Variants in WDPCP observed in about 807,000 individuals in gnomAD.
WDPCP encodes the protein WD repeat containing planar cell polarity effector, also known as WD repeat-containing and planar cell polarity effector protein fritz homolog.
Under a neutral mutation model 93.1 loss-of-function variants are expected in WDPCP, and 71 were observed. The observed-to-expected ratio is 0.76, with a 90% confidence interval of 0.63 to 0.93. The LOEUF (loss-of-function observed/expected upper bound fraction) is 0.93, where lower values mean the gene tolerates loss of function less well. WDPCP is among the 40% of genes least tolerant of loss of function. The pLI is 0.00. For synonymous variants in WDPCP, 315 were observed against 315.0 expected (o/e 1.00, Z 0.00); for missense variants, 844 against 887.4 (o/e 0.95, Z 0.62).
At chr2:63,802,281 TAAAAAAAAAAAAAAAAAAAAAAAAA>T (rs58717654) in intron 2 of WDPCP, among the ~76,000 whole-genome samples, 19 of 54,404 alleles carry the variant, frequency 3.5e-4, no homozygotes, top group East Asian at 6.1e-4. Context: ...CCCTCTCTCT[TAAAAAAAAAAAAAAAAAAAAAAAAA>T]AAAAAAAAAA....
chr2:63,155,563 A>AG (rs1449978921), intron 15 of WDPCP, among the ~76,000 whole-genome samples: 3 of 152,180 alleles, frequency 2.0e-5, no homozygotes, highest in Non-Finnish European at 4.4e-5. Flanking sequence ...CACAGTCCCT[A>AG]GGCCAAATCC....
intron 2 of WDPCP, among the ~76,000 whole-genome samples, chr2:63,488,550 T>TAGGA (rs1227107646): frequency 6.6e-6 from 1 of 152,022 alleles, no homozygotes; most frequent in Non-Finnish European, 1.5e-5. Flanking sequence ...AAATCATGAG[T>TAGGA]AGGACTTCTT....
chr2:63,615,289 T>C (rs192529858), intron 3 of WDPCP, among the ~76,000 whole-genome samples: 1 of 152,240 alleles, frequency 6.6e-6, no homozygotes, highest in Non-Finnish European at 1.5e-5. Context: ...TCCTTTCCTT[T>C]TTACGACATA....
intron 1 of WDPCP, among the ~76,000 whole-genome samples, chr2:63,494,876 C>A (rs911647007): frequency 6.9e-6 from 1 of 144,944 alleles, no homozygotes; most frequent in Non-Finnish European, 1.5e-5. Flanking sequence ...GCCGAGATCG[C>A]GCCACTGCAC....
chr2:63,427,511 G>A (rs1021573432), intron 9 of WDPCP, among the ~76,000 whole-genome samples: 1 of 152,120 alleles, frequency 6.6e-6, no homozygotes, highest in Admixed American at 6.5e-5. Flanking sequence ...ATGAAATTAA[G>A]GCAGAAATTT....
chr2:63,142,817 GGT>G (rs143419326), intron 17 of WDPCP, among the ~76,000 whole-genome samples: 25,295 of 146,138 alleles, frequency 0.17, 2,246 homozygotes, highest in Middle Eastern at 0.25. Flanking sequence ...CAGTGTTAGG[GGT>G]GTGTGTGTGT....
At chr2:63,701,415 G>A (rs895298092) in intron 2 of WDPCP, among the ~76,000 whole-genome samples, 12 of 152,174 alleles carry the variant, frequency 7.9e-5, no homozygotes, top group Non-Finnish European at 2.9e-5. Context: ...ATGTAAATTA[G>A]TACAACCACT....
At chr2:63,167,853 G>T (rs1044423431) in intron 15 of WDPCP, among the ~76,000 whole-genome samples, 4 of 152,080 alleles carry the variant, frequency 2.6e-5, no homozygotes, top group African/African-American at 9.6e-5. Flanking sequence ...GGTGGCTCAC[G>T]CCTATAATCC....
intron 1 of WDPCP, among the ~76,000 whole-genome samples, chr2:63,562,171 C>T (rs1001163006): frequency 6.6e-6 from 1 of 152,080 alleles, no homozygotes; most frequent in Admixed American, 6.6e-5. Context: ...ACATGTATGC[C>T]AGGAATAGCA....
chr2:63,307,251 A>T (rs1685813629), intron 13 of WDPCP, among the ~76,000 whole-genome samples: 1 of 152,224 alleles, frequency 6.6e-6, no homozygotes, highest in African/African-American at 2.4e-5. Flanking sequence ...ACACAAACAA[A>T]TGGAAAATAT....
At chr2:63,515,611 G>A (rs1203187787) in intron 1 of WDPCP, among the ~76,000 whole-genome samples, 1 of 152,102 alleles carries the variant, frequency 6.6e-6, no homozygotes, top group Non-Finnish European at 1.5e-5. Flanking sequence ...TTGGAAAATC[G>A]CCAAAACTTT....
At position 63,722,193 on chromosome 2, in the gene WDPCP, A is replaced by G. The variant is rs1187149727; in HGVS notation, n.309-71355T>C. On this transcript the variant is annotated intron_variant and non_coding_transcript_variant, in intron 2 of 4. Coordinates refer to the WDPCP transcript ENST00000467687. ...GAGCGTCTCTGCCTGGCCGCCCATC[A>G]TCTGGGATGTGAGGAGCCCCTCTGC... is the stretch of plus-strand genomic sequence containing the variant. 8.5e-4 allele frequency among the ~76,000 whole-genome samples: 114 copies of G among 133,346 alleles called. No homozygotes were observed. The Middle Eastern group carries it at 0.015, about 17-fold the overall frequency. 87.5% of individuals were successfully genotyped at this position (133,346 alleles called of 152,430 possible).
intron 13 of WDPCP, among the ~76,000 whole-genome samples, chr2:63,267,801 C>T (rs116244631): frequency 0.018 from 2,775 of 152,048 alleles, 84 homozygotes; most frequent in African/African-American, 0.064. Flanking sequence ...AGAATAGCTA[C>T]TAATGTCAAA....
intron 6 of WDPCP, among the ~76,000 whole-genome samples, chr2:63,481,432 A>G (rs1254117133): frequency 1.3e-5 from 2 of 152,248 alleles, no homozygotes; most frequent in African/African-American, 4.8e-5. Context: ...CGAAAAAGAT[A>G]CTTGCCCATG....
At chr2:63,420,205 T>C (rs975388604) in intron 9 of WDPCP, among the ~76,000 whole-genome samples, 19 of 151,876 alleles carry the variant, frequency 1.3e-4, no homozygotes, top group Non-Finnish European at 2.4e-4. Context: ...TGAAATACTA[T>C]CCTTTTGCTT....
chr2:63,671,068 G>T (rs1421422339), intron 2 of WDPCP, among the ~76,000 whole-genome samples: 2 of 152,154 alleles, frequency 1.3e-5, no homozygotes, highest in African/African-American at 2.4e-5. Flanking sequence ...GCTCAGCTTT[G>T]AGATTTTTAG....
chr2:63,269,924 C>T (rs1172201969), intron 13 of WDPCP, among the ~76,000 whole-genome samples: 1 of 152,146 alleles, frequency 6.6e-6, no homozygotes, highest in Non-Finnish European at 1.5e-5. Context: ...ATACAATCCT[C>T]TTTATGTTTA....
chr2:63,567,096 G>A (rs912205837), intron 1 of WDPCP, among the ~76,000 whole-genome samples: 11 of 152,150 alleles, frequency 7.2e-5, no homozygotes, highest in African/African-American at 2.2e-4. Flanking sequence ...ACTGCAATGT[G>A]TTCACCAACC....
intron 2 of WDPCP, among the ~76,000 whole-genome samples, chr2:63,792,981 T>C (rs1670565393): frequency 6.6e-6 from 1 of 152,116 alleles, no homozygotes; most frequent in Non-Finnish European, 1.5e-5. Flanking sequence ...TCCTCCTTCC[T>C]GTGCTACTCA....
Sources: allele counts gnomAD v4.1 joint callset (sites outside exome capture counted in the v4.1 genomes callset), GRCh38; gene constraint gnomAD v4.1.1; transcripts MANE v1.5; gene names NCBI Gene and HGNC (gene_info 2026-07-23, HGNC 2026-07-21).